TOM1: variants seen among roughly 807,000 people sequenced by gnomAD.
The protein encoded by TOM1 is target of myb1 membrane trafficking protein, also known as target of Myb protein 1.
TOM1 carries 38 observed loss-of-function variants against 61.3 expected under a neutral mutation model. That is an observed-to-expected ratio of 0.62 (90% CI 0.48 to 0.81). The LOEUF is 0.81. Among genes scored for constraint, TOM1 ranks in the 40% least tolerant of loss-of-function variants. The pLI is 0.00. For missense variants in TOM1, 591 were observed against 659.6 expected (o/e 0.90, Z 1.14); for synonymous variants, 270 against 268.8 (o/e 1.00, Z -0.04).
At chr22:35,311,596 C>T (rs1234717538) in intron 1 of TOM1, among the ~76,000 whole-genome samples, 2 of 152,194 alleles carry the variant, frequency 1.3e-5, no homozygotes, top group Non-Finnish European at 2.9e-5. Context: ...TATGTAATGC[C>T]CCCCTCTGCT....
At chr22:35,335,025 C>T (rs564932818) in intron 11 of TOM1, among the ~76,000 whole-genome samples, 29 of 152,256 alleles carry the variant, frequency 1.9e-4, no homozygotes, top group Non-Finnish European at 2.8e-4. Context: ...CCCTGTGCAC[C>T]GTGCATTTTC....
chr22:35,344,771 T>G (rs1187193765), intron 12 of TOM1: 1 of 152,208 alleles, frequency 6.6e-6, no homozygotes, highest in African/African-American at 2.4e-5. Context: ...TACTGATTAA[T>G]AGTAAATAGG....
chr22:35,326,819 G>T (rs565941521), intron 6 of TOM1, among the ~76,000 whole-genome samples: 16 of 151,448 alleles, frequency 1.1e-4, no homozygotes, highest in Admixed American at 3.9e-4. Flanking sequence ...GGAGAGAGAG[G>T]GGGGGATCCC....
At chr22:35,300,054 G>T (rs1925585014) in intron 1 of TOM1, 74 bp downstream of exon 1, 2 of 1,516,912 alleles carry the variant, frequency 1.3e-6, no homozygotes, top group Non-Finnish European at 8.9e-7. Flanking sequence ...GAAGCCTCCG[G>T]GTGCCTAGTC....
At chr22:35,341,221 C>G (rs2267334) in intron 12 of TOM1, among the ~76,000 whole-genome samples, 69,128 of 152,102 alleles carry the variant, frequency 0.45, 19,393 homozygotes, top group Non-Finnish European at 0.62. Flanking sequence ...AAACTGAGTT[C>G]CAGGAAGAGC....
At chr22:35,338,677 G>A in intron 11 of TOM1, 36 bp from the exon 12 acceptor site, 1 of 1,508,520 alleles carries the variant, frequency 6.6e-7, no homozygotes, top group African/African-American at 1.4e-5. Flanking sequence ...CCATCGGTAA[G>A]GGCAGCATCC....
At chr22:35,313,377 T>C (rs1250232463) in intron 1 of TOM1, among the ~76,000 whole-genome samples, 1 of 151,782 alleles carries the variant, frequency 6.6e-6, no homozygotes, top group African/African-American at 2.4e-5. Flanking sequence ...GGTGATACCA[T>C]ACCATGGCCC....
chr22:35,338,100 C>G (rs1929536334), intron 11 of TOM1, among the ~76,000 whole-genome samples: 1 of 152,180 alleles, frequency 6.6e-6, no homozygotes, highest in Non-Finnish European at 1.5e-5. Flanking sequence ...CCCAGCCCAT[C>G]AGCCTTGCGT....
At chr22:35,301,160 A>G (rs572265593) in intron 1 of TOM1, among the ~76,000 whole-genome samples, 1 of 152,212 alleles carries the variant, frequency 6.6e-6, no homozygotes, top group South Asian at 2.1e-4. Flanking sequence ...CTGGGAGGTC[A>G]GGGCTGCAGT....
intron 12 of TOM1, among the ~76,000 whole-genome samples, chr22:35,342,095 T>G (rs1212492515): frequency 6.6e-6 from 1 of 152,048 alleles, no homozygotes; most frequent in Non-Finnish European, 1.5e-5. Context: ...GAGCTATGAC[T>G]GTACCACTGC....
intron 1 of TOM1, among the ~76,000 whole-genome samples, chr22:35,300,322 G>A (rs114513194): frequency 0.016 from 2,386 of 152,346 alleles, 61 homozygotes; most frequent in African/African-American, 0.052. Context: ...CAGTGGCTGG[G>A]CCACTCTGCT....
At position 35,333,444 on chromosome 22, in the gene TOM1, T is replaced by C. The variant is rs1929010223; in HGVS notation, c.974T>C (p.Met325Thr). 6.2e-7 allele frequency: 1 copy of C among 1,614,108 alleles called. No individual in the cohort carries two copies. The highest frequency in any genetic ancestry group is 2.2e-5 in the East Asian group (1 of 44,886). Reference protein sequence around the residue: ...EAEPAADLIDMGPDPAATGNL... With the variant: ...EAEPAADLIDTGPDPAATGNL... ...GAGCCGGCAGCTGACCTGATCGACA[T>C]GGGCCCTGACCCAGCAGCCACCGGC... is the stretch of plus-strand genomic sequence containing the variant. The change falls in exon 10 of 15, where the codon ATG becomes ACG. Residue 325 changes from methionine to threonine, a missense_variant. Met to Thr is a moderately conservative substitution (Grantham distance 81). Transcript: ENST00000449058.
intron 7 of TOM1, among the ~76,000 whole-genome samples, chr22:35,328,581 G>A (rs1212156171): frequency 6.6e-6 from 1 of 152,212 alleles, no homozygotes; most frequent in African/African-American, 2.4e-5. Context: ...CTTGAGAGGG[G>A]CCAGCAGGGA....
chr22:35,343,328 ACCC>A (rs1930120817), intron 12 of TOM1, among the ~76,000 whole-genome samples: 1 of 138,980 alleles, frequency 7.2e-6, no homozygotes, highest in African/African-American at 2.8e-5. Flanking sequence ...ACACCTACAC[ACCC>A]CCACACACAC....
intron 12 of TOM1, among the ~76,000 whole-genome samples, chr22:35,343,101 TACACCACACACACCCACAC>T (rs1171660573): frequency 8.8e-4 from 67 of 76,100 alleles, no homozygotes; most frequent in African/African-American, 3.6e-3. Flanking sequence ...TACACACCCA[TACACCACACACACCCACAC>T]ACACCACACA....
chr22:35,323,541 G>T lies in TOM1; in HGVS notation c.412G>T (p.Val138Phe). 1 of 1,614,182 alleles carries T rather than the reference G, an allele frequency of 6.2e-7. No homozygotes were observed. The highest frequency in any genetic ancestry group is 8.5e-7 in the Non-Finnish European group (1 of 1,180,036). ...FRSSPDLTGV[V>F]TIYEDLRRKG... The stretch of plus-strand genomic sequence containing the variant: ...CAGCTCGCCCGATCTGACAGGTGTG[G>T]TCACCATCTATGAGGACCTGCGGAG... Residue 138 changes from valine (V) to phenylalanine (F), a missense_variant, in exon 5 of 15, where the codon GTC becomes TTC. Physicochemically the swap from Val to Phe is conservative, Grantham distance 50. Coordinates refer to ENST00000449058, the MANE Select transcript of TOM1 (RefSeq NM_005488.3). The surrounding 1 kb of genome is among the most constrained non-coding windows in gnomAD (Gnocchi z 4.2).
At chr22:35,329,413 T>A (rs1928625428) in intron 7 of TOM1, among the ~76,000 whole-genome samples, 1 of 152,240 alleles carries the variant, frequency 6.6e-6, no homozygotes, top group African/African-American at 2.4e-5. Context: ...TAATAGTATT[T>A]TACCAGTTTT....
At position 35,311,431 on chromosome 22, in the gene TOM1, C is replaced by T. The variant is rs564754303; in HGVS notation, c.53-6446C>T. 3.9e-5 allele frequency among the ~76,000 whole-genome samples: 6 copies of T among 152,350 alleles called. No homozygotes were observed. In the East Asian group the frequency reaches 1.2e-3, roughly 29 times the overall value. ...TGGGTTTGACAGCTCCACGATGTCT[C>T]AAAACAGCCAGACTCTTTCTTGTTC... On this transcript the variant is annotated intron_variant, in intron 1 of 14. Coordinates refer to ENST00000449058, the MANE Select transcript of TOM1 (RefSeq NM_005488.3).
In TOM1 at chr22:35,345,872, A is replaced by T. The variant is rs1016348343; in HGVS notation, c.1284+88A>T. The T allele has an allele frequency of 9.9e-6, 13 of 1,307,420 alleles. No homozygotes were observed. In the Admixed American group the frequency reaches 1.4e-4, roughly 14 times the overall value. 81.0% of individuals were successfully genotyped at this position (1,307,420 alleles called of 1,614,324 possible). On this transcript the variant is annotated intron_variant, in intron 13 of 14. Transcript: ENST00000449058. ...ACCCATGGGGCCAGGGTAGACTTATATAGCATATAGCACCCTGAGAGCAGA... is the reference window on the plus strand; with the variant it reads ...ACCCATGGGGCCAGGGTAGACTTATTTAGCATATAGCACCCTGAGAGCAGA...
Sources: allele counts gnomAD v4.1 joint callset (sites outside exome capture counted in the v4.1 genomes callset), GRCh38; gene constraint gnomAD v4.1.1; non-coding constraint Gnocchi (gnomAD v3.1); transcripts MANE v1.5; gene names NCBI Gene and HGNC (gene_info 2026-07-23, HGNC 2026-07-21).